The following KCTD11 variants were observed in gnomAD, a reference collection of about 807,000 sequenced individuals.
The protein encoded by KCTD11 is potassium channel tetramerization domain containing 11, also known as BTB/POZ domain-containing protein KCTD11.
A neutral mutation model predicts 10.7 loss-of-function variants in KCTD11; 8 were observed. The observed-to-expected ratio is 0.74, with a 90% CI of 0.44 to 1.34. The LOEUF (loss-of-function observed/expected upper bound fraction) is 1.34. Ranked by LOEUF, KCTD11 falls within the 40% of genes most tolerant of loss-of-function variation. KCTD11 has a pLI of 0.01. For synonymous variants in KCTD11, 153 were observed against 160.8 expected, an observed-to-expected ratio of 0.95 and a Z score of 0.37; for missense variants, 346 against 356.1, an observed-to-expected ratio of 0.97 and a Z score of 0.23.
chr17:7,352,869 G>T lies in KCTD11; in HGVS notation c.44G>T (p.Gly15Val). 1 of 1,328,586 alleles carries T rather than the reference G, an allele frequency of 7.5e-7. No individual in the cohort carries two copies. The highest frequency in any genetic ancestry group is 1.5e-5 in the African/African-American group (1 of 68,166). 82.3% of individuals were successfully genotyped at this position (1,328,586 alleles called of 1,614,324 possible). ...CCCTCTTCGCCCCCCTCCTTTGGGG[G>T]CCCCGTGACCCTGAATGTGGGGGGC... Residue 15 changes from glycine to valine, a missense_variant, in exon 1 of 1, where the codon GGC becomes GTC. Coordinates refer to ENST00000333751, the MANE Select transcript of KCTD11 (RefSeq NM_001363642.1). The surrounding 1 kb of genome is among the most constrained non-coding windows in gnomAD (Gnocchi z 4.5).
Position 7,354,943 on chromosome 17 carries a change from A to G in KCTD11, c.*1302A>G, listed in dbSNP as rs1422797700. The G allele has an allele frequency of 1.2e-5, 6 of 490,398 alleles. No homozygotes were observed. Among genetic ancestry groups the G allele is most frequent in the African/African-American group, 8.1e-5 (4 of 49,208 alleles). 30.4% of individuals were successfully genotyped at this position (490,398 alleles called of 1,614,324 possible). A position where few individuals can be genotyped will look rare whatever the true frequency, so the allele number is the denominator to read the frequency against. On this transcript the variant is annotated 3_prime_UTR_variant, in exon 1 of 1. Transcript: ENST00000333751. ...AAATAAAACTGCTTTTGGAACCACA[A>G]ACTTGTGAAGGCTGTTGAGGGCCAG...
rs905871926 is a variant in KCTD11 at position 7,354,787 on chromosome 17, C to A, written c.*1146C>A. ...GAGAGAGGAGACGAAGAGTTTGGGA[C>A]AGTGGGGGAGGAGATGGGAAGGGAT... is the stretch of plus-strand genomic sequence containing the variant. On this transcript the variant is annotated 3_prime_UTR_variant, in exon 1 of 1. Coordinates refer to ENST00000333751, the MANE Select transcript of KCTD11 (RefSeq NM_001363642.1). 7 of 194,170 alleles carry A rather than the reference C, an allele frequency of 3.6e-5. No individual in the cohort carries two copies. The highest frequency in any genetic ancestry group is 1.7e-4 in the African/African-American group (7 of 41,544). The allele number at this position is 194,170 out of a possible 1,614,324, so 12.0% of individuals were successfully genotyped here.
Position 7,353,318 on chromosome 17 carries a change from C to T in KCTD11, c.493C>T (p.Leu165Phe), listed in dbSNP as rs1479338489. Reference sequence around the variant, plus strand: ...CCAGGTGGACACCTTCCGAGCCAACCTTTTCTGCACCGACTCTGAGTGTCT... The same window carrying T: ...CCAGGTGGACACCTTCCGAGCCAACTTTTTCTGCACCGACTCTGAGTGTCT... The change falls in exon 1 of 1, where the codon CTT becomes TTT. Residue 165 changes from leucine to phenylalanine, a missense_variant. Coordinates refer to ENST00000333751, the MANE Select transcript of KCTD11 (RefSeq NM_001363642.1). The surrounding 1 kb of genome is among the most constrained non-coding windows in gnomAD (Gnocchi z 4.9). 3 of 1,614,128 alleles carry T rather than the reference C, an allele frequency of 1.9e-6. No homozygotes were observed. Among genetic ancestry groups the T allele is most frequent in the South Asian group, 2.2e-5 (2 of 91,084 alleles).
Position 7,354,426 on chromosome 17 carries a change from C to T in KCTD11, c.*785C>T, listed in dbSNP as rs1340165585. 1.2e-5 allele frequency: 2 copies of T among 167,074 alleles called. No individual in the cohort carries two copies. Among genetic ancestry groups the T allele is most frequent in the East Asian group, 1.9e-4 (1 of 5,202 alleles). 10.3% of individuals were successfully genotyped at this position (167,074 alleles called of 1,614,324 possible). The stretch of plus-strand genomic sequence containing the variant: ...TGCTGACTACAGTGTCTGTGATGTC[C>T]GCATGTCCAGGCCTGTTTGGGGTTG... On this transcript the variant is annotated 3_prime_UTR_variant, in exon 1 of 1. Coordinates refer to ENST00000333751, the MANE Select transcript of KCTD11 (RefSeq NM_001363642.1).
Position 7,353,323 on chromosome 17 carries a change from C to G in KCTD11, c.498C>G (p.Phe166Leu). Residue 166 changes from phenylalanine (F) to leucine (L), a missense_variant, in exon 1 of 1, where the codon TTC becomes TTG. Coordinates refer to ENST00000333751, the MANE Select transcript of KCTD11 (RefSeq NM_001363642.1). This position sits in a 1 kb window ranked among gnomAD's most constrained non-coding sequence, Gnocchi z 4.9. ...TGGACACCTTCCGAGCCAACCTTTTCTGCACCGACTCTGAGTGTCTAGGTG... is the reference window on the plus strand; with the variant it reads ...TGGACACCTTCCGAGCCAACCTTTTGTGCACCGACTCTGAGTGTCTAGGTG... 1 of 1,614,178 alleles carries G rather than the reference C, an allele frequency of 6.2e-7. No homozygotes were observed. Among genetic ancestry groups the G allele is most frequent in the Non-Finnish European group, 8.5e-7 (1 of 1,180,044 alleles).
Position 7,353,684 on chromosome 17 carries a change from G to A in KCTD11, c.*43G>A, listed in dbSNP as rs778568137. ...TGACTGTGGGGAGGAGAGAGAATGG[G>A]GTACTAGCACCCCTGAAGCCTCTTT... On this transcript the variant is annotated 3_prime_UTR_variant, in exon 1 of 1. Coordinates refer to ENST00000333751, the MANE Select transcript of KCTD11 (RefSeq NM_001363642.1). The surrounding 1 kb of genome is among the most constrained non-coding windows in gnomAD (Gnocchi z 4.9). 1.3e-6 allele frequency: 2 copies of A among 1,492,620 alleles called. No individual in the cohort carries two copies. The highest frequency in any genetic ancestry group is 2.3e-5 in the East Asian group (1 of 43,738). 92.5% of individuals were successfully genotyped at this position (1,492,620 alleles called of 1,614,324 possible).
chr17:7,354,485 G>T lies in KCTD11; in HGVS notation c.*844G>T, dbSNP rs762265002. The stretch of plus-strand genomic sequence containing the variant: ...CTCTTCTGGCACAGGGTGTGTCTGT[G>T]GTATACCTGTGAGGTGGTTGACAAT... On this transcript the variant is annotated 3_prime_UTR_variant, in exon 1 of 1. Transcript: ENST00000333751. 1 of 166,812 alleles carries T rather than the reference G, an allele frequency of 6.0e-6. No homozygotes were observed. 10.3% of individuals were successfully genotyped at this position (166,812 alleles called of 1,614,324 possible).
At position 7,353,557 on chromosome 17, in the gene KCTD11, C is replaced by T. The variant is rs748866907; in HGVS notation, c.732C>T (p.Leu244=). The T allele has an allele frequency of 2.9e-5, 45 of 1,556,696 alleles. 1 individual carries two copies. In the South Asian group the frequency reaches 4.5e-4, roughly 16 times the overall value. ...TGGAGGAGGTGCTGCGGGTGGCTCT[C>T]GAGCACGGCTTCCGACTAGACTCTG... The change falls in exon 1 of 1, where the codon CTC becomes CTT. Residue 244 remains leucine, a synonymous_variant. Transcript: ENST00000333751. This position sits in a 1 kb window ranked among gnomAD's most constrained non-coding sequence, Gnocchi z 4.9.
chr17:7,353,376 G>T lies in KCTD11; in HGVS notation c.551G>T (p.Ser184Ile). The change falls in exon 1 of 1, where the codon AGT becomes ATT. Residue 184 changes from serine to isoleucine, a missense_variant. Coordinates refer to ENST00000333751, the MANE Select transcript of KCTD11 (RefSeq NM_001363642.1). This position sits in a 1 kb window ranked among gnomAD's most constrained non-coding sequence, Gnocchi z 4.9. ...TTGCGGGCCCGATTTGGTGTGGCCAGTGGGGATAGGGCAGAGGGGAGCCCA... is the reference window on the plus strand; with the variant it reads ...TTGCGGGCCCGATTTGGTGTGGCCATTGGGGATAGGGCAGAGGGGAGCCCA... 2.5e-6 allele frequency: 4 copies of T among 1,614,034 alleles called. No individual in the cohort carries two copies. The highest frequency in any genetic ancestry group is 3.4e-6 in the Non-Finnish European group (4 of 1,180,026).
At position 7,353,565 on chromosome 17, in the gene KCTD11, G is replaced by A; in HGVS notation, c.740G>A (p.Gly247Asp). The A allele has an allele frequency of 6.4e-7, 1 of 1,551,464 alleles. No homozygotes were observed. The highest frequency in any genetic ancestry group is 1.9e-5 in the Admixed American group (1 of 52,960). The change falls in exon 1 of 1, where the codon GGC (glycine) becomes GAC (aspartate). Residue 247 changes from glycine (G) to aspartate (D), a missense_variant. Physicochemically the swap from Gly to Asp is moderately conservative, Grantham distance 94. Coordinates refer to ENST00000333751, the MANE Select transcript of KCTD11 (RefSeq NM_001363642.1). This position sits in a 1 kb window ranked among gnomAD's most constrained non-coding sequence, Gnocchi z 4.9. ...GTGCTGCGGGTGGCTCTCGAGCACGGCTTCCGACTAGACTCTGTCTTCCCC... is the reference window on the plus strand; with the variant it reads ...GTGCTGCGGGTGGCTCTCGAGCACGACTTCCGACTAGACTCTGTCTTCCCC...
chr17:7,353,431 C>T lies in KCTD11; in HGVS notation c.606C>T (p.Pro202=), dbSNP rs751962479. Residue 202 remains proline (P), a synonymous_variant, in exon 1 of 1, where the codon CCC becomes CCT. Coordinates refer to ENST00000333751, the MANE Select transcript of KCTD11 (RefSeq NM_001363642.1). The surrounding 1 kb of genome is among the most constrained non-coding windows in gnomAD (Gnocchi z 4.9). ...TTCATCTGGAGTGGGCCCCCCGCCC[C>T]GTGGAACTCCCCGAGGTGGAGTATG... The T allele has an allele frequency of 3.1e-6, 5 of 1,612,756 alleles. No homozygotes were observed. Among genetic ancestry groups the T allele is most frequent in the East Asian group, 2.2e-5 (1 of 44,892 alleles).
Position 7,354,528 on chromosome 17 carries a change from G to GGTGTGTGTGTGTGTGT in KCTD11, c.*900_*915dup, listed in dbSNP as rs3840878. 6.2e-6 allele frequency: 1 copy of GGTGTGTGTGTGTGTGT among 160,654 alleles called. No individual in the cohort carries two copies. The highest frequency in any genetic ancestry group is 2.5e-5 in the African/African-American group (1 of 40,550). The allele number at this position is 160,654 out of a possible 1,614,324, so 10.0% of individuals were successfully genotyped here. A position where few individuals can be genotyped will look rare whatever the true frequency, so the allele number is the denominator to read the frequency against. ...TTGACAATTAGTAGTTTAATCACAGGGTGTGTGTGTGTGTGTGTGTGTGTG... is the reference window on the plus strand; with the variant it reads ...TTGACAATTAGTAGTTTAATCACAGGGTGTGTGTGTGTGTGTGTGTGTGTGTGTGTGTGTGTGTGTG... On this transcript the variant is annotated 3_prime_UTR_variant, in exon 1 of 1. Transcript: ENST00000333751.
rs1218479313 is a variant in KCTD11, at chr17:7,353,156, G to A, written c.331G>A (p.Ala111Thr). Residue 111 changes from alanine (A) to threonine (T), a missense_variant, in exon 1 of 1, where the codon GCG becomes ACG. Ala to Thr is a moderately conservative substitution (Grantham distance 58). Coordinates refer to ENST00000333751, the MANE Select transcript of KCTD11 (RefSeq NM_001363642.1). This position sits in a 1 kb window ranked among gnomAD's most constrained non-coding sequence, Gnocchi z 4.9. Reference sequence around the variant, plus strand: ...CTACCAGATCCGGCCCCTCCTGGACGCGCTGCGGGAACTGGAGGCCTCTCA... The same window carrying A: ...CTACCAGATCCGGCCCCTCCTGGACACGCTGCGGGAACTGGAGGCCTCTCA... 6.2e-7 allele frequency: 1 copy of A among 1,613,138 alleles called. No individual in the cohort carries two copies. The highest frequency in any genetic ancestry group is 8.5e-7 in the Non-Finnish European group (1 of 1,179,632).
In KCTD11 at chr17:7,352,978, GC is replaced by G. The variant is rs761174720; in HGVS notation, c.159del (p.Asn54ThrfsTer26). Reference sequence around the variant, plus strand: ...CCATGTTTAGGGCCGGCACCCCCATGCCCCCCAACCTCAATTCCCAAGGAGG... The same window carrying G: ...CCATGTTTAGGGCCGGCACCCCCATGCCCCCAACCTCAATTCCCAAGGAGG... On this transcript the variant is annotated frameshift_variant, in exon 1 of 1. Transcript: ENST00000333751. LOFTEE classifies it high-confidence loss of function. This position sits in a 1 kb window ranked among gnomAD's most constrained non-coding sequence, Gnocchi z 4.5. 7 of 1,601,276 alleles carry G rather than the reference GC, an allele frequency of 4.4e-6. No individual in the cohort carries two copies. The Admixed American group carries it at 5.0e-5, about 12-fold the overall frequency.
rs1225858468 is a variant in KCTD11 at position 7,353,217 on chromosome 17, C to G, written c.392C>G (p.Ala131Gly). 1.2e-6 allele frequency: 2 copies of G among 1,613,584 alleles called. No homozygotes were observed. The highest frequency in any genetic ancestry group is 3.3e-5 in the Admixed American group (2 of 60,032). The change falls in exon 1 of 1, where the codon GCA (alanine) becomes GGA (glycine). Residue 131 changes from alanine to glycine, a missense_variant. Coordinates refer to ENST00000333751, the MANE Select transcript of KCTD11 (RefSeq NM_001363642.1). The surrounding 1 kb of genome is among the most constrained non-coding windows in gnomAD (Gnocchi z 4.9). ...GCACCCACAGCTGCCCTGCTCCACGCAGATGTAGATGTCAGCCCCCGCCTG... is the reference window on the plus strand; with the variant it reads ...GCACCCACAGCTGCCCTGCTCCACGGAGATGTAGATGTCAGCCCCCGCCTG...
rs931484087 is a variant in KCTD11 at position 7,352,858 on chromosome 17, C to G, written c.33C>G (p.Pro11=). 1.6e-5 allele frequency: 18 copies of G among 1,145,116 alleles called. No homozygotes were observed. Among genetic ancestry groups the G allele is most frequent in the African/African-American group, 3.1e-5 (2 of 64,530 alleles). The allele number at this position is 1,145,116 out of a possible 1,614,324, so 70.9% of individuals were successfully genotyped here. A position where few individuals can be genotyped will look rare whatever the true frequency, so the allele number is the denominator to read the frequency against. Residue 11 remains proline (P), a synonymous_variant, in exon 1 of 1, where the codon CCC becomes CCG. Coordinates refer to ENST00000333751, the MANE Select transcript of KCTD11 (RefSeq NM_001363642.1). The surrounding 1 kb of genome is among the most constrained non-coding windows in gnomAD (Gnocchi z 4.5). ...CTCCTCCTGTGCCCTCTTCGCCCCC[C>G]TCCTTTGGGGGCCCCGTGACCCTGA...
rs3840878 is a variant in KCTD11, at chr17:7,354,528, G to GGTGT, written c.*912_*915dup. 9.4e-3 allele frequency: 1,522 copies of GGTGT among 161,376 alleles called. 1 individual carries two copies. The highest frequency in any genetic ancestry group is 0.01 in the African/African-American group (405 of 40,498). The allele number at this position is 161,376 out of a possible 1,614,324, so 10.0% of individuals were successfully genotyped here. On this transcript the variant is annotated 3_prime_UTR_variant, in exon 1 of 1. Coordinates refer to ENST00000333751, the MANE Select transcript of KCTD11 (RefSeq NM_001363642.1). ...TTGACAATTAGTAGTTTAATCACAG[G>GGTGT]GTGTGTGTGTGTGTGTGTGTGTGTG... is the stretch of plus-strand genomic sequence containing the variant.
chr17:7,353,596 C>T lies in KCTD11; in HGVS notation c.771C>T (p.Pro257=). ...GACTAGACTCTGTCTTCCCCGACCC[C>T]GAAGACCTGCTCAACTCCAGGTCTC... is the stretch of plus-strand genomic sequence containing the variant. The change falls in exon 1 of 1, where the codon CCC becomes CCT. Residue 257 remains proline, a synonymous_variant. Transcript: ENST00000333751. The surrounding 1 kb of genome is among the most constrained non-coding windows in gnomAD (Gnocchi z 4.9). The T allele has an allele frequency of 5.2e-6, 8 of 1,528,980 alleles. No individual in the cohort carries two copies. The highest frequency in any genetic ancestry group is 4.5e-5 in the East Asian group (2 of 44,142). 94.7% of individuals were successfully genotyped at this position (1,528,980 alleles called of 1,614,324 possible). A position where few individuals can be genotyped will look rare whatever the true frequency, so the allele number is the denominator to read the frequency against.
In KCTD11 at chr17:7,353,969, ACTAGAC is replaced by A. The variant is rs1459876002; in HGVS notation, c.*333_*338del. 3.6e-6 allele frequency: 1 copy of A among 277,278 alleles called. No homozygotes were observed. The highest frequency in any genetic ancestry group is 7.2e-6 in the Non-Finnish European group (1 of 138,012). The allele number at this position is 277,278 out of a possible 1,614,324, so 17.2% of individuals were successfully genotyped here. On this transcript the variant is annotated 3_prime_UTR_variant, in exon 1 of 1. Coordinates refer to ENST00000333751, the MANE Select transcript of KCTD11 (RefSeq NM_001363642.1). This position sits in a 1 kb window ranked among gnomAD's most constrained non-coding sequence, Gnocchi z 4.9. ...AAGGGGGGAACATCTCTTTACCCAG[ACTAGAC>A]CTAGCAAAACCCTGGAAGGATATTG...
Sources: gnomAD v4.1 joint callset for allele counts on GRCh38, gnomAD v4.1.1 for gene constraint, Gnocchi (gnomAD v3.1) non-coding constraint, MANE v1.5 for transcripts, NCBI Gene and HGNC (gene_info 2026-07-23, HGNC 2026-07-21) for gene names.